The following ATG16L1 variants were observed in gnomAD, a reference collection of about 807,000 sequenced individuals.
ATG16L1 encodes autophagy related 16 like 1.
In ATG16L1, 37 loss-of-function variants were observed where a neutral mutation model predicts 88.5. That is an observed-to-expected ratio of 0.42 (90% confidence interval 0.32 to 0.55). The LOEUF is 0.55. Ranked by LOEUF, ATG16L1 falls within the 20% of genes least tolerant of loss-of-function variation. The probability of loss-of-function intolerance (pLI) is 0.13; values close to 1 mark genes in which losing one functional copy is unlikely to be tolerated. For missense variants in ATG16L1, 554 were observed against 752.8 expected, an observed-to-expected ratio of 0.74 and a Z score of 3.09; for synonymous variants, 301 against 281.0, an observed-to-expected ratio of 1.07 and a Z score of -0.71.
Position 233,256,085 on chromosome 2 carries a change from C to CT in ATG16L1, c.116-11dup, listed in dbSNP as rs1559375137. 1.9e-6 allele frequency: 3 copies of CT among 1,605,660 alleles called. No individual in the cohort carries two copies. The highest frequency in any genetic ancestry group is 2.6e-6 in the Non-Finnish European group (3 of 1,172,842). ...TTGTAATAAATAACTTAGTTTCTGACTTTTTTATTTTAATAGATAACAAAT... is the reference window on the plus strand; with the variant it reads ...TTGTAATAAATAACTTAGTTTCTGACTTTTTTTATTTTAATAGATAACAAAT... On this transcript the variant is annotated splice_polypyrimidine_tract_variant and intron_variant, in intron 1 of 17. Transcript: ENST00000392017.
chr2:233,260,079 T>C (rs1204503859), intron 2 of ATG16L1, among the ~76,000 whole-genome samples: 1 of 152,182 alleles, frequency 6.6e-6, no homozygotes, highest in African/African-American at 2.4e-5. Context: ...CTGGGCACTT[T>C]GTTGGTTTCC....
intron 9 of ATG16L1, 78 bp downstream of exon 9, chr2:233,274,856 C>T (rs1698240696): frequency 1.1e-5 from 11 of 1,025,560 alleles, no homozygotes; most frequent in Admixed American, 1.9e-5. Flanking sequence ...CCTTTCTAGG[C>T]CTGCAGCTAA....
intron 4 of ATG16L1, 142 bp downstream of exon 4, chr2:233,264,207 C>T: frequency 1.4e-6 from 1 of 709,798 alleles, no homozygotes; most frequent in South Asian, 1.7e-5. Context: ...CATACACACT[C>T]TGGGATCCTT....
At chr2:233,284,397 T>C (rs985117372) in intron 12 of ATG16L1, among the ~76,000 whole-genome samples, 1 of 152,172 alleles carries the variant, frequency 6.6e-6, no homozygotes, top group Non-Finnish European at 1.5e-5. Flanking sequence ...AGTGGCATGA[T>C]CTCGGTTCAC....
chr2:233,274,845 T>C, intron 9 of ATG16L1, 67 bp downstream of exon 9: 1 of 1,195,528 alleles, frequency 8.4e-7, no homozygotes, highest in African/African-American at 1.5e-5. Context: ...AATTAAAGGG[T>C]CCTTTCTAGG....
intron 5 of ATG16L1, among the ~76,000 whole-genome samples, chr2:233,269,004 AAG>A (rs1294130027): frequency 2.0e-5 from 3 of 152,206 alleles, no homozygotes; most frequent in Non-Finnish European, 4.4e-5. Context: ...TTTATCAAAG[AAG>A]AGAGAGTAAG....
At position 233,282,811 on chromosome 2, in the gene ATG16L1, G is replaced by A. The variant is rs1028812345; in HGVS notation, c.1203+58G>A. 17 of 1,486,514 alleles carry A rather than the reference G, an allele frequency of 1.1e-5. No individual in the cohort carries two copies. The Admixed American group carries it at 2.7e-4, about 24-fold the overall frequency. The allele number at this position is 1,486,514 out of a possible 1,614,324, so 92.1% of individuals were successfully genotyped here. A position where few individuals can be genotyped will look rare whatever the true frequency, so the allele number is the denominator to read the frequency against. ...CCAAACTTCATGTGGTGTTATCAAG[G>A]CACAAACTGGCAGGTGCTTAATTAG... On this transcript the variant is annotated intron_variant, in intron 12 of 17. Transcript: ENST00000392017.
chr2:233,275,524 G>T, intron 9 of ATG16L1: 2 of 350,228 alleles, frequency 5.7e-6, no homozygotes, highest in South Asian at 4.4e-5. Flanking sequence ...AAAATGGGAT[G>T]GAATTTATAT....
At position 233,263,139 on chromosome 2, in the gene ATG16L1, T is replaced by A. The variant is rs1697333995; in HGVS notation, c.219T>A (p.His73Gln). 1 of 1,613,708 alleles carries A rather than the reference T, an allele frequency of 6.2e-7. No homozygotes were observed. Among genetic ancestry groups the A allele is most frequent in the East Asian group, 2.2e-5 (1 of 44,830 alleles). ...TGGTTTGCCAATTTAGTCCCGGACA[T>A]GATGGCACATGGAATGACAATCAGC... ...VPNRHEISPG[H>Q]DGTWNDNQLQ... The change falls in exon 3 of 18, where the codon CAT (histidine) becomes CAA (glutamine). Residue 73 changes from histidine to glutamine, a missense_variant. By Grantham distance (24) the His-to-Gln change is conservative (BLOSUM62 0). Coordinates refer to ENST00000392017, the MANE Select transcript of ATG16L1 (RefSeq NM_030803.7).
At chr2:233,290,065 A>G (rs566219147) in intron 13 of ATG16L1, 91 bp downstream of exon 13, 1 of 1,578,936 alleles carries the variant, frequency 6.3e-7, no homozygotes, top group Non-Finnish European at 8.7e-7. Context: ...TTTATGTAAT[A>G]TAGTTTGAAT....
At chr2:233,263,649 G>A (rs996565646) in intron 3 of ATG16L1, among the ~76,000 whole-genome samples, 6 of 152,164 alleles carry the variant, frequency 3.9e-5, no homozygotes, top group African/African-American at 7.2e-5. Context: ...GTGGTCTTAC[G>A]GCAAAGCTCC....
At chr2:233,293,565 C>T (rs752258099) in intron 17 of ATG16L1, among the ~76,000 whole-genome samples, 1 of 152,180 alleles carries the variant, frequency 6.6e-6, no homozygotes, top group Middle Eastern at 3.4e-3. Flanking sequence ...CCAGGTAGAG[C>T]GGTTAGAGTG....
At chr2:233,288,074 C>T (rs1574900356) in intron 12 of ATG16L1, among the ~76,000 whole-genome samples, 2 of 151,988 alleles carry the variant, frequency 1.3e-5, no homozygotes, top group Non-Finnish European at 2.9e-5. Context: ...GCAGCACAGC[C>T]GGCACCCGAC....
chr2:233,270,491 G>A (rs1462708896), intron 6 of ATG16L1, among the ~76,000 whole-genome samples: 1 of 152,158 alleles, frequency 6.6e-6, no homozygotes, highest in Admixed American at 6.5e-5. Context: ...AAAAGTTTGT[G>A]TTCATCAGCT....
intron 9 of ATG16L1, chr2:233,275,938 A>G (rs113262832): frequency 1.7e-5 from 9 of 519,222 alleles, no homozygotes; most frequent in African/African-American, 3.8e-5. Flanking sequence ...CCAGTTACAC[A>G]GGAGACTGAC....
rs1699685797 is a variant in ATG16L1 at position 233,294,586 on chromosome 2, G to C, written c.*236G>C. The C allele has an allele frequency of 2.6e-6, 1 of 382,000 alleles. No homozygotes were observed. Among genetic ancestry groups the C allele is most frequent in the Non-Finnish European group, 4.8e-6 (1 of 208,230 alleles). 23.7% of individuals were successfully genotyped at this position (382,000 alleles called of 1,614,324 possible). A position where few individuals can be genotyped will look rare whatever the true frequency, so the allele number is the denominator to read the frequency against. On this transcript the variant is annotated 3_prime_UTR_variant, in exon 18 of 18. Coordinates refer to ENST00000392017, the MANE Select transcript of ATG16L1 (RefSeq NM_030803.7). ...CTGACGCTGCGGTCACTTAGCAGAG[G>C]CTCAGGTTCTTGCCTTGGGAAACAC... is the stretch of plus-strand genomic sequence containing the variant.
At chr2:233,256,312 G>C in intron 2 of ATG16L1, 117 bp downstream of exon 2, 1 of 854,774 alleles carries the variant, frequency 1.2e-6, no homozygotes, top group Non-Finnish European at 1.8e-6. Flanking sequence ...TCCAGTTTTT[G>C]TCAGCTCCTT....
Position 233,274,712 on chromosome 2 carries a change from C to T in ATG16L1, c.888C>T (p.Asp296=). 6.2e-7 allele frequency: 1 copy of T among 1,612,338 alleles called. No homozygotes were observed. The highest frequency in any genetic ancestry group is 1.3e-5 in the African/African-American group (1 of 75,008). The change falls in exon 9 of 18, where the codon GAC becomes GAT. Residue 296 remains aspartate (D), a synonymous_variant. Transcript: ENST00000392017. ...RSVSSFPVPQ[D]NVDTHPGSGK... ...TCTCTTCCTTCCCAGTCCCCCAGGA[C>T]AATGTGGATACTCATCCTGGTTCTG...
At position 233,273,457 on chromosome 2, in the gene ATG16L1, G is replaced by C. The variant is rs532526271; in HGVS notation, c.795-264G>C. 54 of 528,800 alleles carry C rather than the reference G, an allele frequency of 1.0e-4. 1 individual carries two copies. The South Asian group carries it at 1.4e-3, about 13-fold the overall frequency. The allele number at this position is 528,800 out of a possible 1,614,324, so 32.8% of individuals were successfully genotyped here. ...GAAGTTAGTTAGCCAGGAATTGTGA[G>C]GTTAGTTGTCTAATGCTTTATTTCC... On this transcript the variant is annotated intron_variant, in intron 7 of 17. Transcript: ENST00000392017.
Sources: allele counts gnomAD v4.1 joint callset (sites outside exome capture counted in the v4.1 genomes callset), GRCh38; gene constraint gnomAD v4.1.1; transcripts MANE v1.5; gene names NCBI Gene and HGNC (gene_info 2026-07-23, HGNC 2026-07-21).